DPP10: variants seen among roughly 807,000 people sequenced by gnomAD.
The protein encoded by DPP10 is dipeptidyl peptidase like 10.
DPP10 carries 33 observed loss-of-function variants against 120.9 expected under a neutral mutation model. That is an observed-to-expected ratio of 0.27 (90% confidence interval 0.21 to 0.37). The LOEUF (loss-of-function observed/expected upper bound fraction) is 0.37, where lower values mean the gene tolerates loss of function less well. Ranked by LOEUF, DPP10 falls within the 10% of genes least tolerant of loss-of-function variation. The pLI, the probability that DPP10 is intolerant of heterozygous loss-of-function variation, is 1.00. For missense variants in DPP10, 816 were observed against 942.8 expected (o/e 0.87, Z 1.76); for synonymous variants, 337 against 326.1 (o/e 1.03, Z -0.36).
rs199870812 is a variant in DPP10, at chr2:115,480,492, CTTG to C, written c.272-19014_272-19012del. Reference sequence around the variant, plus strand: ...AAAAAATGTATTCATTCTATTGTTGCTTGTTGGTTCTATCAGAACACTTTGATA... The same window carrying C: ...AAAAAATGTATTCATTCTATTGTTGCTTGGTTCTATCAGAACACTTTGATA... On this transcript the variant is annotated intron_variant, in intron 3 of 25. Coordinates refer to ENST00000410059, the MANE Select transcript of DPP10 (RefSeq NM_020868.6). Among the ~76,000 whole-genome samples the C allele has an allele frequency of 8.1e-3, 1,232 of 152,102 alleles. 16 individuals are homozygous for C. The highest frequency in any genetic ancestry group is 0.028 in the African/African-American group (1,181 of 41,474).
chr2:115,714,853 C>A (rs1163044646), intron 7 of DPP10, among the ~76,000 whole-genome samples: 7 of 151,978 alleles, frequency 4.6e-5, no homozygotes, highest in African/African-American at 1.4e-4. Flanking sequence ...GATGGTGAAA[C>A]CCTGTCTCTA....
At chr2:114,478,769 A>G (rs1021871494) in intron 1 of DPP10, among the ~76,000 whole-genome samples, 1 of 152,120 alleles carries the variant, frequency 6.6e-6, no homozygotes, top group Non-Finnish European at 1.5e-5. Context: ...TTTATTTTTT[A>G]TACCAACTGT....
At chr2:115,213,167 A>G (rs1317575155) in intron 1 of DPP10, among the ~76,000 whole-genome samples, 4 of 152,202 alleles carry the variant, frequency 2.6e-5, no homozygotes, top group Admixed American at 2.6e-4. Context: ...CACTGGAGAT[A>G]GCTGGGGTGT....
At chr2:115,501,757 A>C (rs1281654287) in intron 4 of DPP10, among the ~76,000 whole-genome samples, 1 of 152,050 alleles carries the variant, frequency 6.6e-6, no homozygotes, top group African/African-American at 2.4e-5. Context: ...ATTTCAAAGG[A>C]GCTTGTTTAA....
chr2:115,756,235 A>G (rs1679393596), intron 11 of DPP10, among the ~76,000 whole-genome samples: 1 of 152,156 alleles, frequency 6.6e-6, no homozygotes, highest in Admixed American at 6.6e-5. Flanking sequence ...TTACAGCTAG[A>G]TAAGAGGATT....
At chr2:114,521,009 T>A (rs746297993) in intron 1 of DPP10, among the ~76,000 whole-genome samples, 1 of 152,100 alleles carries the variant, frequency 6.6e-6, no homozygotes, top group Non-Finnish European at 1.5e-5. Flanking sequence ...GAGAGAACTT[T>A]CCTTATTCCA....
chr2:114,606,606 G>T lies in DPP10; in HGVS notation c.60+163768G>T, dbSNP rs1327403899. On this transcript the variant is annotated intron_variant, in intron 1 of 25. Transcript: ENST00000410059. The stretch of plus-strand genomic sequence containing the variant: ...AATGAGTGGGAATGACAGTCTGGAA[G>T]GGGAGAAGACAAATGCAATACCATC... Among the ~76,000 whole-genome samples, 5 of 152,098 alleles carry T rather than the reference G, an allele frequency of 3.3e-5. No individual in the cohort carries two copies. In the East Asian group the frequency reaches 9.7e-4, roughly 29 times the overall value.
intron 3 of DPP10, chr2:115,468,776 G>A: frequency 4.5e-6 from 2 of 443,306 alleles, no homozygotes; most frequent in Non-Finnish European, 8.8e-6. Context: ...TGCTACTCAG[G>A]CTGAAGTTGC....
intron 1 of DPP10, among the ~76,000 whole-genome samples, chr2:114,888,142 C>CAAAAAA (rs1231068172): frequency 4.5e-5 from 3 of 66,310 alleles, no homozygotes; most frequent in South Asian, 4.7e-4. Flanking sequence ...GCCTCCGTCT[C>CAAAAAA]AAAAAAAAAA....
intron 10 of DPP10, among the ~76,000 whole-genome samples, chr2:115,751,830 G>C (rs1341483513): frequency 7.0e-6 from 1 of 142,188 alleles, no homozygotes; most frequent in East Asian, 2.1e-4. Context: ...ACAGAGTCTT[G>C]CTCTGTCGCC....
At chr2:115,364,856 G>A (rs1219879196) in intron 3 of DPP10, among the ~76,000 whole-genome samples, 3 of 152,028 alleles carry the variant, frequency 2.0e-5, no homozygotes, top group East Asian at 1.9e-4. Context: ...ACACAATTGT[G>A]AAGGTATACT....
chr2:114,921,160 G>A (rs1285943093), intron 1 of DPP10, among the ~76,000 whole-genome samples: 1 of 152,136 alleles, frequency 6.6e-6, no homozygotes, highest in Admixed American at 6.5e-5. Flanking sequence ...TGGAAATGTT[G>A]GCTTAAGGAA....
At position 115,768,338 on chromosome 2, in the gene DPP10, T is replaced by C. The variant is rs758256507; in HGVS notation, c.1155T>C (p.Phe385=). The C allele has an allele frequency of 1.9e-6, 3 of 1,613,616 alleles. No individual in the cohort carries two copies. In the Admixed American group the frequency reaches 5.0e-5, roughly 27 times the overall value. ...PVFSRDGSKF[F]MTVPVKQGGR... ...TTTCTAGAGACGGCAGCAAATTCTTTATGACAGTGCCTGTTAAGCAAGGGG... is the reference window on the plus strand; with the variant it reads ...TTTCTAGAGACGGCAGCAAATTCTTCATGACAGTGCCTGTTAAGCAAGGGG... Residue 385 remains phenylalanine, a synonymous_variant, in exon 13 of 26, where the codon TTT becomes TTC. Transcript: ENST00000410059.
intron 1 of DPP10, among the ~76,000 whole-genome samples, chr2:114,770,097 G>A (rs1368912289): frequency 1.3e-5 from 2 of 152,084 alleles, no homozygotes; most frequent in African/African-American, 4.8e-5. Flanking sequence ...GTTGTTGTTA[G>A]CAAGCTGATT....
intron 3 of DPP10, among the ~76,000 whole-genome samples, chr2:115,486,550 C>T (rs1359989160): frequency 6.6e-6 from 1 of 152,058 alleles, no homozygotes; most frequent in African/African-American, 2.4e-5. Flanking sequence ...AATCTGCTTA[C>T]ATCTTTCCTT....
chr2:114,470,506 C>T (rs10206123), intron 1 of DPP10, among the ~76,000 whole-genome samples: 3,639 of 152,182 alleles, frequency 0.024, 138 homozygotes, highest in African/African-American at 0.081. Flanking sequence ...ACAGGCTAAG[C>T]CTTACTAAAT....
intron 19 of DPP10, among the ~76,000 whole-genome samples, chr2:115,805,363 G>C (rs965030145): frequency 1.3e-5 from 2 of 152,116 alleles, no homozygotes; most frequent in Non-Finnish European, 2.9e-5. Context: ...GGAATTCCCT[G>C]ACCCCTTGCG....
chr2:115,165,319 T>C (rs1407156732), intron 1 of DPP10, among the ~76,000 whole-genome samples: 2 of 152,216 alleles, frequency 1.3e-5, no homozygotes, highest in African/African-American at 2.4e-5. Context: ...AAGTGAGACT[T>C]AGCCAGGAAC....
chr2:115,289,958 C>T (rs2060586217), intron 1 of DPP10, among the ~76,000 whole-genome samples: 1 of 152,024 alleles, frequency 6.6e-6, no homozygotes, highest in Non-Finnish European at 1.5e-5. Context: ...ATGCCTGAGA[C>T]CCCAAAAGCA....
Sources: gnomAD v4.1 joint callset for allele counts (sites outside exome capture counted in the v4.1 genomes callset) on GRCh38, gnomAD v4.1.1 for gene constraint, MANE v1.5 for transcripts, NCBI Gene and HGNC (gene_info 2026-07-23, HGNC 2026-07-21) for gene names.